Variants in SRGAP3 observed in about 807,000 individuals in gnomAD.
SRGAP3 encodes SLIT-ROBO Rho GTPase-activating protein 3.
SRGAP3 carries 39 observed loss-of-function variants against 121.1 expected under a neutral mutation model. The observed-to-expected ratio is 0.32, with a 90% confidence interval of 0.25 to 0.42. The LOEUF is 0.42. Among genes scored for constraint, SRGAP3 ranks in the 10% least tolerant of loss-of-function variants. SRGAP3 has a pLI of 1.00. For missense variants in SRGAP3, 1,213 were observed against 1,470.6 expected, an observed-to-expected ratio of 0.82 and a Z score of 2.86; for synonymous variants, 601 against 570.0, an observed-to-expected ratio of 1.05 and a Z score of -0.77.
intron 3 of SRGAP3, among the ~76,000 whole-genome samples, chr3:9,094,182 C>A (rs936857909): frequency 2.6e-5 from 4 of 152,118 alleles, no homozygotes; most frequent in African/African-American, 9.7e-5. Flanking sequence ...GGTGTCTAAC[C>A]ATATGAACCA....
At chr3:9,343,888 C>T (rs1291403928) in intron 1 of SRGAP3, among the ~76,000 whole-genome samples, 4 of 152,122 alleles carry the variant, frequency 2.6e-5, no homozygotes, top group South Asian at 2.1e-4. Flanking sequence ...AGGCTGGCCT[C>T]GAACTTCTAA....
intron 13 of SRGAP3, among the ~76,000 whole-genome samples, chr3:9,026,285 A>G (rs1289887312): frequency 6.6e-6 from 1 of 152,190 alleles, no homozygotes. Context: ...GCACTATCTC[A>G]AATGATATTA....
At chr3:9,191,888 C>T (rs911417335) in intron 1 of SRGAP3, among the ~76,000 whole-genome samples, 1 of 152,152 alleles carries the variant, frequency 6.6e-6, no homozygotes, top group African/African-American at 2.4e-5. Context: ...CATCTCCCCC[C>T]TCACTTTCTC....
At chr3:9,004,101 A>G (rs1445629419) in intron 18 of SRGAP3, among the ~76,000 whole-genome samples, 1 of 152,164 alleles carries the variant, frequency 6.6e-6, no homozygotes, top group African/African-American at 2.4e-5. Flanking sequence ...CTCATAATGA[A>G]CAATTCAAAA....
At chr3:9,020,121 G>C (rs1309933564) in intron 14 of SRGAP3, among the ~76,000 whole-genome samples, 1 of 152,208 alleles carries the variant, frequency 6.6e-6, no homozygotes, top group Non-Finnish European at 1.5e-5. Context: ...AGATGAAGCA[G>C]TGTGCCCATA....
intron 1 of SRGAP3, among the ~76,000 whole-genome samples, chr3:9,236,520 G>A (rs1027269131): frequency 2.0e-5 from 3 of 152,148 alleles, no homozygotes; most frequent in African/African-American, 4.8e-5. Flanking sequence ...CTTTGGTGCT[G>A]TTCTCATGAT....
chr3:9,252,536 C>T (rs543201404), upstream of SRGAP3, among the ~76,000 whole-genome samples: 1 of 152,150 alleles, frequency 6.6e-6, no homozygotes, highest in Non-Finnish European at 1.5e-5. Flanking sequence ...CACAGATACC[C>T]AGATTGGGAA....
At chr3:9,192,815 A>G (rs528528780) in intron 1 of SRGAP3, 2 of 152,276 alleles carry the variant, frequency 1.3e-5, no homozygotes, top group South Asian at 4.2e-4. Context: ...ATGAGTCTGA[A>G]CTTCGCCCTG....
intron 1 of SRGAP3, among the ~76,000 whole-genome samples, chr3:9,132,891 G>C (rs6784350): frequency 0.062 from 8,708 of 140,374 alleles, 844 homozygotes; most frequent in African/African-American, 0.2. Context: ...GGTAGAAAGG[G>C]TATATAAAGT....
chr3:9,162,483 A>T (rs953808077), intron 1 of SRGAP3, among the ~76,000 whole-genome samples: 2 of 152,028 alleles, frequency 1.3e-5, no homozygotes, highest in Non-Finnish European at 2.9e-5. Flanking sequence ...GGGCTCTGGG[A>T]GCAACATCTG....
chr3:9,244,666 C>G (rs1219179907), intron 1 of SRGAP3, among the ~76,000 whole-genome samples: 1 of 152,074 alleles, frequency 6.6e-6, no homozygotes, highest in African/African-American at 2.4e-5. Flanking sequence ...AAAGCTGGAG[C>G]CTGGCAAATG....
At chr3:9,182,693 AC>A (rs1466014409) in intron 1 of SRGAP3, among the ~76,000 whole-genome samples, 1 of 152,126 alleles carries the variant, frequency 6.6e-6, no homozygotes, top group Non-Finnish European at 1.5e-5. Flanking sequence ...TTGCTCTATC[AC>A]CCAGGCTGGA....
intron 2 of SRGAP3, among the ~76,000 whole-genome samples, chr3:9,115,637 C>A (rs1263031657): frequency 6.7e-6 from 1 of 150,330 alleles, no homozygotes; most frequent in African/African-American, 2.5e-5. Context: ...CCTTTCCCCT[C>A]ATTTAAAAAA....
At chr3:9,170,563 G>T (rs944297804) in intron 1 of SRGAP3, among the ~76,000 whole-genome samples, 1 of 152,078 alleles carries the variant, frequency 6.6e-6, no homozygotes, top group African/African-American at 2.4e-5. Context: ...CTCCAAATGG[G>T]GAGAAGGTTT....
intron 18 of SRGAP3, among the ~76,000 whole-genome samples, chr3:8,999,594 G>A (rs1942626207): frequency 6.6e-6 from 1 of 152,130 alleles, no homozygotes; most frequent in South Asian, 2.1e-4. Context: ...CATGCAACCA[G>A]TTTACTAGAG....
chr3:9,265,600 C>A (rs182756580), intron 3 of SRGAP3, among the ~76,000 whole-genome samples: 66 of 152,072 alleles, frequency 4.3e-4, no homozygotes, highest in African/African-American at 1.5e-3. Flanking sequence ...ATTTATGCGG[C>A]CTACAAACAT....
chr3:9,220,164 T>C (rs891151744), intron 1 of SRGAP3, among the ~76,000 whole-genome samples: 6 of 152,070 alleles, frequency 3.9e-5, no homozygotes, highest in Admixed American at 1.3e-4. Flanking sequence ...GGCTATTTCA[T>C]AGTAGCTAGG....
intron 1 of SRGAP3, among the ~76,000 whole-genome samples, chr3:9,361,443 T>C (rs1421192862): frequency 6.6e-6 from 1 of 152,196 alleles, no homozygotes; most frequent in Non-Finnish European, 1.5e-5. Flanking sequence ...TTGGTTTTGT[T>C]TTGTTTTAAA....
intron 1 of SRGAP3, among the ~76,000 whole-genome samples, chr3:9,127,139 T>C (rs905612330): frequency 5.3e-5 from 8 of 150,990 alleles, no homozygotes; most frequent in Admixed American, 3.3e-4. Flanking sequence ...CTGGGAAACA[T>C]AGGGAGACCT....
Sources: allele counts gnomAD v4.1 joint callset (sites outside exome capture counted in the v4.1 genomes callset), GRCh38; gene constraint gnomAD v4.1.1; transcripts MANE v1.5; gene names NCBI Gene and HGNC (gene_info 2026-07-23, HGNC 2026-07-21).